Variants in KANSL1 observed in about 807,000 individuals in gnomAD.
KANSL1 encodes the protein KAT8 regulatory NSL complex subunit 1.
KANSL1 carries 22 observed loss-of-function variants against 103.6 expected under a neutral mutation model. The observed-to-expected ratio is 0.21, with a 90% CI of 0.15 to 0.30. KANSL1 has a LOEUF of 0.30. KANSL1 is among the 10% of genes least tolerant of loss of function. The pLI, the probability that KANSL1 is intolerant of heterozygous loss-of-function variation, is 1.00. For missense variants in KANSL1, 1,337 were observed against 1,399.8 expected, an observed-to-expected ratio of 0.96 and a Z score of 0.72; for synonymous variants, 600 against 527.6, an observed-to-expected ratio of 1.14 and a Z score of -1.88.
At chr17:46,198,351 C>A (rs567799813), upstream of KANSL1, among the ~76,000 whole-genome samples, 60 of 138,758 alleles carry the variant, frequency 4.3e-4, 1 homozygote, top group South Asian at 2.5e-3. Flanking sequence ...CTGAGTGAAG[C>A]AAAAATCAGC....
chr17:46,062,121 A>AAC (rs2078192893), intron 6 of KANSL1, among the ~76,000 whole-genome samples: 2 of 90,602 alleles, frequency 2.2e-5, no homozygotes, highest in Admixed American at 1.1e-4. Flanking sequence ...AAACAAACAA[A>AAC]AAAAAAAAAA....
At chr17:46,068,232 C>T (rs1310372831) in intron 4 of KANSL1, among the ~76,000 whole-genome samples, 1 of 152,080 alleles carries the variant, frequency 6.6e-6, no homozygotes, top group African/African-American at 2.4e-5. Context: ...ACAGAGTATG[C>T]TAGAAGCTTG....
intron 2 of KANSL1, among the ~76,000 whole-genome samples, chr17:46,116,243 C>T (rs1236146890): frequency 6.6e-6 from 1 of 152,140 alleles, no homozygotes; most frequent in Non-Finnish European, 1.5e-5. Flanking sequence ...CAAAAAAAAC[C>T]ATTACTGCGG....
chr17:46,131,993 G>A (rs1287927486), intron 2 of KANSL1, among the ~76,000 whole-genome samples: 2 of 152,084 alleles, frequency 1.3e-5, no homozygotes, highest in African/African-American at 2.4e-5. Flanking sequence ...TGGGCATGAC[G>A]GCGCGTGCCT....
intron 3 of KANSL1, chr17:46,092,809 TAC>T (rs1180419689): frequency 2.0e-5 from 3 of 150,708 alleles, no homozygotes; most frequent in African/African-American, 7.4e-5. Context: ...TTCTAAGAGG[TAC>T]TCTCCCCACA....
intron 2 of KANSL1, among the ~76,000 whole-genome samples, chr17:46,107,671 A>G (rs1256908527): frequency 6.6e-6 from 1 of 152,180 alleles, no homozygotes. Context: ...CTCGAGCTGA[A>G]ATCGCTCCCC....
At chr17:46,182,475 T>C (rs1346459172) in intron 1 of KANSL1, among the ~76,000 whole-genome samples, 1 of 152,188 alleles carries the variant, frequency 6.6e-6, no homozygotes, top group Non-Finnish European at 1.5e-5. Flanking sequence ...AGAGACAAAA[T>C]TTTTACTATA....
intron 2 of KANSL1, among the ~76,000 whole-genome samples, chr17:46,146,757 C>G (rs1468612929): frequency 3.8e-5 from 4 of 106,006 alleles, no homozygotes; most frequent in Admixed American, 1.1e-4. Context: ...GGCGTGAACC[C>G]GGGAGGCGGA....
intron 1 of KANSL1, among the ~76,000 whole-genome samples, chr17:46,191,404 G>T (rs2047315534): frequency 6.6e-6 from 1 of 152,234 alleles, no homozygotes; most frequent in South Asian, 2.1e-4. Flanking sequence ...ACCAAGTAGA[G>T]CCTATAGGAA....
intron 1 of KANSL1, among the ~76,000 whole-genome samples, chr17:46,202,910 T>G (rs530682893): frequency 6.6e-6 from 1 of 152,362 alleles, no homozygotes; most frequent in Admixed American, 6.5e-5. Context: ...ATAAAATAGT[T>G]AAATGAAACT....
chr17:46,190,328 G>C (rs1165024898), intron 1 of KANSL1, among the ~76,000 whole-genome samples: 1 of 152,234 alleles, frequency 6.6e-6, no homozygotes, highest in Non-Finnish European at 1.5e-5. Flanking sequence ...ACGTAACAAA[G>C]AGTGCTCTGC....
intron 1 of KANSL1, among the ~76,000 whole-genome samples, chr17:46,179,182 A>C (rs2046666023): frequency 6.6e-6 from 1 of 152,242 alleles, no homozygotes; most frequent in South Asian, 2.1e-4. Flanking sequence ...TGGGGGGTTC[A>C]ACATCACACC....
At chr17:46,059,647 A>AAGAGAGAGAGAGAGAGAGAGAG (rs56065215) in intron 6 of KANSL1, among the ~76,000 whole-genome samples, 10 of 54,872 alleles carry the variant, frequency 1.8e-4, no homozygotes, top group African/African-American at 5.4e-4. Flanking sequence ...AAAAAAAAAA[A>AAGAGAGAGAGAGAGAGAGAGAG]AGAGAGAGAG....
intron 2 of KANSL1, among the ~76,000 whole-genome samples, chr17:46,134,152 C>G (rs1254565129): frequency 6.6e-6 from 1 of 152,182 alleles, no homozygotes; most frequent in African/African-American, 2.4e-5. Flanking sequence ...ACTCCCAGCA[C>G]TTTGGGAGGC....
intron 2 of KANSL1, among the ~76,000 whole-genome samples, chr17:46,158,959 T>C (rs1049690836): frequency 6.6e-6 from 1 of 152,202 alleles, no homozygotes; most frequent in Admixed American, 6.5e-5. Context: ...CCTTTCCAGG[T>C]CCACTCAGAA....
intron 1 of KANSL1, among the ~76,000 whole-genome samples, chr17:46,184,322 G>T (rs954389639): frequency 1.3e-5 from 2 of 152,188 alleles, no homozygotes; most frequent in Non-Finnish European, 2.9e-5. Context: ...TGGTGCCAAT[G>T]CCCTAGTGCA....
chr17:46,170,409 GAAAGTTCAATCAAA>G (rs2046223846), intron 2 of KANSL1: 1 of 177,504 alleles, frequency 5.6e-6, no homozygotes, highest in South Asian at 1.8e-4. Flanking sequence ...GCTCTCTGCT[GAAAGTTCAATCAAA>G]AGCAACTGTA....
upstream of KANSL1, chr17:46,196,632 C>A (rs889095676): frequency 3.0e-6 from 1 of 327,938 alleles, no homozygotes; most frequent in African/African-American, 2.2e-5. Context: ...GGATTTCCAG[C>A]CACATTACAA....
intron 1 of KANSL1, chr17:46,215,163 G>T (rs1028095668): frequency 1.3e-5 from 2 of 152,274 alleles, no homozygotes; most frequent in Non-Finnish European, 2.9e-5. Flanking sequence ...CAATATACTT[G>T]GACCAGCCAC....
Sources: gnomAD v4.1 joint callset for allele counts (sites outside exome capture counted in the v4.1 genomes callset) on GRCh38, gnomAD v4.1.1 for gene constraint, MANE v1.5 for transcripts, NCBI Gene and HGNC (gene_info 2026-07-23, HGNC 2026-07-21) for gene names.